DRC7: variants seen among roughly 807,000 people sequenced by gnomAD.
The protein encoded by DRC7 is coiled-coil domain containing 135.
A neutral mutation model predicts 104.4 loss-of-function variants in DRC7; 80 were observed. The observed-to-expected ratio is 0.77, with a 90% CI of 0.64 to 0.92. DRC7 has a LOEUF of 0.92. DRC7 is among the 40% of genes least tolerant of loss of function. The pLI is 0.00. For synonymous variants in DRC7, 405 were observed against 447.3 expected, an observed-to-expected ratio of 0.91 and a Z score of 1.19; for missense variants, 1,034 against 1,141.1, an observed-to-expected ratio of 0.91 and a Z score of 1.35.
At chr16:57,721,956 C>T (rs571593786) in intron 10 of DRC7, among the ~76,000 whole-genome samples, 5 of 151,922 alleles carry the variant, frequency 3.3e-5, no homozygotes, top group South Asian at 2.1e-4. Flanking sequence ...GTCTGGCACA[C>T]GGGGCGATGC....
At chr16:57,706,308 C>T (rs1400464370) in intron 7 of DRC7, among the ~76,000 whole-genome samples, 4 of 146,718 alleles carry the variant, frequency 2.7e-5, no homozygotes, top group African/African-American at 1.0e-4. Flanking sequence ...TCCCACCATC[C>T]TCTGATCCAG....
chr16:57,699,779 C>G (rs1315458942), intron 4 of DRC7, among the ~76,000 whole-genome samples: 1 of 152,172 alleles, frequency 6.6e-6, no homozygotes, highest in Non-Finnish European at 1.5e-5. Flanking sequence ...GCTGGGTCAC[C>G]TCAGGCAGCT....
intron 8 of DRC7, among the ~76,000 whole-genome samples, chr16:57,712,669 G>GT (rs1454792766): frequency 1.5e-5 from 2 of 134,172 alleles, no homozygotes; most frequent in African/African-American, 6.1e-5. Context: ...ACTGTTTTTT[G>GT]TTTTGTTTTT....
At chr16:57,696,115 CAG>C (rs1428588513) in intron 1 of DRC7, among the ~76,000 whole-genome samples, 3 of 152,192 alleles carry the variant, frequency 2.0e-5, no homozygotes, top group Non-Finnish European at 4.4e-5. Context: ...GTAAGGAAAA[CAG>C]ATGTTCGAGG....
chr16:57,717,401 TAAAA>T (rs56358409), intron 8 of DRC7, among the ~76,000 whole-genome samples: 1 of 132,826 alleles, frequency 7.5e-6, no homozygotes. Flanking sequence ...TGCACTGGCT[TAAAA>T]AAAAAAAAAA....
intron 8 of DRC7, 141 bp downstream of exon 8, chr16:57,707,819 C>T: frequency 1.4e-6 from 1 of 692,458 alleles, no homozygotes; most frequent in East Asian, 2.7e-5. Context: ...AGCTGCGTCT[C>T]CATGGCCCAC....
chr16:57,714,851 G>T, intron 8 of DRC7: 1 of 339,808 alleles, frequency 2.9e-6, no homozygotes, highest in Non-Finnish European at 5.8e-6. Context: ...TGCATACATT[G>T]CTGGTGCATG....
In DRC7 at chr16:57,722,769, C is replaced by T. The variant is rs1250222605; in HGVS notation, c.1336C>T (p.Leu446=). Residue 446 remains leucine (L), a synonymous_variant, in exon 11 of 19, where the codon CTG becomes TTG. Transcript: ENST00000360716. The stretch of plus-strand genomic sequence containing the variant: ...GGTGATTCAGTACAAGAGGGCAAAG[C>T]TGGAGAAGTGGGCCCCGTACCTCAA... The part of the protein sequence containing the change: ...KKVIQYKRAK[L]EKWAPYLNSN... 1 of 1,613,924 alleles carries T rather than the reference C, an allele frequency of 6.2e-7. No homozygotes were observed.
In DRC7 at chr16:57,707,656, A is replaced by G. The variant is rs768524125; in HGVS notation, c.1055A>G (p.Gln352Arg). ...CACAAGAACTACTGGATCAACATGC[A>G]GGATTGCTGGAACTGCTGCAAGGTG... is the stretch of plus-strand genomic sequence containing the variant. ...WNHKNYWINM[Q>R]DCWNCCKDLI... The change falls in exon 8 of 19, where the codon CAG becomes CGG. Residue 352 changes from glutamine to arginine, a missense_variant. Physicochemically the swap from Gln to Arg is conservative, Grantham distance 43. Coordinates refer to ENST00000360716, the MANE Select transcript of DRC7 (RefSeq NM_001289162.2). 1.2e-6 allele frequency: 2 copies of G among 1,613,412 alleles called. No individual in the cohort carries two copies. The highest frequency in any genetic ancestry group is 2.2e-5 in the South Asian group (2 of 91,070).
At chr16:57,713,672 C>T (rs540282506) in intron 8 of DRC7, 2 of 152,380 alleles carry the variant, frequency 1.3e-5, no homozygotes, top group African/African-American at 4.8e-5. Flanking sequence ...TTCGTTGTCT[C>T]GAAGGCACTC....
intron 4 of DRC7, among the ~76,000 whole-genome samples, chr16:57,699,311 A>G (rs2048632803): frequency 6.6e-6 from 1 of 152,332 alleles, no homozygotes; most frequent in South Asian, 2.1e-4. Context: ...TTACCTGATC[A>G]AGAGGAGACT....
intron 7 of DRC7, among the ~76,000 whole-genome samples, chr16:57,706,249 CGTCCATCCTCCCAACT>C: frequency 7.4e-6 from 1 of 135,796 alleles, no homozygotes; most frequent in Non-Finnish European, 1.6e-5. Context: ...CCCTCCCATC[CGTCCATCCTCCCAACT>C]ATCCATCCTC....
At chr16:57,699,742 C>T (rs1254687414) in intron 4 of DRC7, among the ~76,000 whole-genome samples, 2 of 152,128 alleles carry the variant, frequency 1.3e-5, no homozygotes, top group Non-Finnish European at 2.9e-5. Context: ...AGGAAACAGA[C>T]CTGATCTCCT....
chr16:57,704,652 G>A (rs1348466305), intron 6 of DRC7, among the ~76,000 whole-genome samples: 2 of 152,192 alleles, frequency 1.3e-5, no homozygotes, highest in African/African-American at 4.8e-5. Flanking sequence ...TGGGGAGAAA[G>A]TTCCTATTAT....
chr16:57,728,309 C>A, intron 16 of DRC7, 81 bp from the exon 17 acceptor site: 1 of 1,365,904 alleles, frequency 7.3e-7, no homozygotes, highest in Non-Finnish European at 9.9e-7. Flanking sequence ...TGGCTTTGTG[C>A]TGGCACACTG....
chr16:57,721,619 C>T (rs767863872), intron 9 of DRC7, 48 bp from the exon 10 acceptor site: 2 of 1,457,014 alleles, frequency 1.4e-6, no homozygotes, highest in African/African-American at 1.4e-5. Context: ...ACTTCTGCTT[C>T]AACACCCTGA....
rs759156050 is a variant in DRC7, at chr16:57,700,147, G to T, written c.381G>T (p.Lys127Asn). 5 of 1,613,664 alleles carry T rather than the reference G, an allele frequency of 3.1e-6. No homozygotes were observed. Among genetic ancestry groups the T allele is most frequent in the South Asian group, 2.2e-5 (2 of 91,068 alleles). ...TGGCACCATCTCTCTCCTTGCAGAA[G>T]TTCGTGAGCACAACCCTCCGGCCCA... is the stretch of plus-strand genomic sequence containing the variant. ...LHPLNECEVP[K>N]FVSTTLRPTL... The change falls in exon 5 of 19, where the codon AAG becomes AAT. Residue 127 changes from lysine (K) to asparagine (N), a missense_variant and splice_region_variant. Lys to Asn is a moderately conservative substitution (Grantham distance 94, BLOSUM62 0). Coordinates refer to ENST00000360716, the MANE Select transcript of DRC7 (RefSeq NM_001289162.2).
chr16:57,710,868 A>G (rs185530863), intron 8 of DRC7, among the ~76,000 whole-genome samples: 1 of 152,288 alleles, frequency 6.6e-6, no homozygotes, highest in Non-Finnish European at 1.5e-5. Context: ...AATCTTTTAT[A>G]TATTATTGGT....
At chr16:57,720,349 G>A (rs560784882) in intron 9 of DRC7, among the ~76,000 whole-genome samples, 1 of 152,336 alleles carries the variant, frequency 6.6e-6, no homozygotes, top group South Asian at 2.1e-4. Context: ...GCACAGCAGT[G>A]TAGACCATCT....
Sources: gnomAD v4.1 joint callset for allele counts (sites outside exome capture counted in the v4.1 genomes callset) on GRCh38, gnomAD v4.1.1 for gene constraint, MANE v1.5 for transcripts, NCBI Gene and HGNC (gene_info 2026-07-23, HGNC 2026-07-21) for gene names.